The following IFT56 variants were observed in gnomAD, a reference collection of about 807,000 sequenced individuals.
The protein encoded by IFT56 is intraflagellar transport 56, also known as intraflagellar transport protein 56.
the IFT56 span, among the ~76,000 whole-genome samples, chr7:139,167,802 G>A: frequency 1.3e-5 from 2 of 151,928 alleles, no homozygotes; most frequent in East Asian, 1.9e-4. Context: ...TTAGCCGGGT[G>A]TGGTGGCTGG....
the IFT56 span, among the ~76,000 whole-genome samples, chr7:139,143,434 A>T: frequency 6.6e-6 from 1 of 152,042 alleles, no homozygotes; most frequent in South Asian, 2.1e-4. Flanking sequence ...AACATATATT[A>T]TCATGAAATA....
At chr7:139,148,291 T>C in the IFT56 span, 1 of 1,614,148 alleles carries the variant, frequency 6.2e-7, no homozygotes, top group Non-Finnish European at 8.5e-7. Context: ...TTTGGCTGTT[T>C]ACCTTCAGCA....
At chr7:139,149,240 G>A in the IFT56 span, among the ~76,000 whole-genome samples, 2 of 149,962 alleles carry the variant, frequency 1.3e-5, no homozygotes, top group African/African-American at 5.0e-5. Flanking sequence ...GGGAGGCAGA[G>A]CTTTCAGTGA....
chr7:139,171,769 A>T, the IFT56 span, among the ~76,000 whole-genome samples: 2 of 152,232 alleles, frequency 1.3e-5, no homozygotes, highest in South Asian at 4.1e-4. Context: ...TCTCCAGGAC[A>T]TTGGTGTGGG....
chr7:139,145,106 T>C, the IFT56 span, among the ~76,000 whole-genome samples: 3 of 152,214 alleles, frequency 2.0e-5, no homozygotes, highest in Non-Finnish European at 4.4e-5. Context: ...AATCAACTGA[T>C]ACCTGTCAGA....
the IFT56 span, chr7:139,161,121 T>C: frequency 9.2e-7 from 1 of 1,085,634 alleles, no homozygotes; most frequent in East Asian, 2.5e-5. Context: ...CGCCAGCAAG[T>C]AATGCTTTAC....
chr7:139,187,601 T>C, the IFT56 span: 1 of 1,576,198 alleles, frequency 6.3e-7, no homozygotes, highest in East Asian at 2.3e-5. Flanking sequence ...GGAAAATACT[T>C]GTTCTCTTGG....
the IFT56 span, among the ~76,000 whole-genome samples, chr7:139,134,972 T>A: frequency 6.6e-6 from 1 of 151,988 alleles, no homozygotes; most frequent in Admixed American, 6.6e-5. Context: ...ATAAACCTGA[T>A]AAAAAACGAA....
the IFT56 span, chr7:139,172,651 A>G: frequency 4.9e-6 from 3 of 610,968 alleles, no homozygotes; most frequent in Non-Finnish European, 9.6e-6. Flanking sequence ...AAGCCTTCAG[A>G]TTTTTCTCAG....
chr7:139,178,192 G>GT, the IFT56 span: 180 of 1,584,750 alleles, frequency 1.1e-4, 1 homozygote, highest in Non-Finnish European at 1.5e-4. Flanking sequence ...TATATGTGGG[G>GT]TTTTTTTCCC....
At chr7:139,190,856 G>C in the IFT56 span, 1 of 152,168 alleles carries the variant, frequency 6.6e-6, no homozygotes, top group South Asian at 2.1e-4. Flanking sequence ...GGTCTAGAAA[G>C]TGCAGAGCCA....
the IFT56 span, chr7:139,166,829 T>C: frequency 5.9e-6 from 9 of 1,536,638 alleles, no homozygotes; most frequent in South Asian, 6.8e-5. Flanking sequence ...AATTACTTTG[T>C]TGTATTTCAG....
the IFT56 span, among the ~76,000 whole-genome samples, chr7:139,137,572 T>C: frequency 2.0e-5 from 3 of 152,370 alleles, no homozygotes; most frequent in South Asian, 6.2e-4. Context: ...TTCTCTTCCT[T>C]ATATATCACC....
chr7:139,177,952 TGTC>T, the IFT56 span, among the ~76,000 whole-genome samples: 17 of 152,204 alleles, frequency 1.1e-4, no homozygotes, highest in East Asian at 3.3e-3. Context: ...ACCTGGGTAA[TGTC>T]GTAGTTAATG....
chr7:139,169,700 A>G, the IFT56 span, among the ~76,000 whole-genome samples: 1 of 151,922 alleles, frequency 6.6e-6, no homozygotes, highest in Admixed American at 6.6e-5. Flanking sequence ...TGCCTATGAT[A>G]TTTTTTTCCA....
chr7:139,134,791 A>G, the IFT56 span: 1 of 1,612,840 alleles, frequency 6.2e-7, no homozygotes, highest in Non-Finnish European at 8.5e-7. Flanking sequence ...ACCCTGTTGG[A>G]GGTAATGCCC....
At chr7:139,140,017 T>C in the IFT56 span, 1 of 1,464,348 alleles carries the variant, frequency 6.8e-7, no homozygotes, top group South Asian at 1.2e-5. Context: ...AAAGGGGCTC[T>C]TATATCTGAT....
the IFT56 span, among the ~76,000 whole-genome samples, chr7:139,179,041 T>C: frequency 2.0e-5 from 3 of 152,232 alleles, no homozygotes; most frequent in South Asian, 6.2e-4. Flanking sequence ...ACTATCAGTA[T>C]GTTTCTTATT....
At chr7:139,149,780 G>C in the IFT56 span, among the ~76,000 whole-genome samples, 1 of 151,998 alleles carries the variant, frequency 6.6e-6, no homozygotes, top group Non-Finnish European at 1.5e-5. Context: ...ATAGGAAACC[G>C]AGAAAACACA....
Sources: gnomAD v4.1 joint callset for allele counts (sites outside exome capture counted in the v4.1 genomes callset) on GRCh38, gnomAD v4.1.1 for gene constraint, MANE v1.5 for transcripts, NCBI Gene and HGNC (gene_info 2026-07-23, HGNC 2026-07-21) for gene names.